CEP128: variants seen among roughly 807,000 people sequenced by gnomAD.
The protein encoded by CEP128 is centrosomal protein 128, also known as centrosomal protein 128kDa.
Under a neutral mutation model 156.7 loss-of-function variants are expected in CEP128, and 132 were observed. The observed-to-expected ratio is 0.84, with a 90% CI of 0.73 to 0.97. CEP128 has a LOEUF of 0.97. Among genes scored for constraint, CEP128 ranks in the 50% least tolerant of loss-of-function variants. CEP128 has a pLI of 0.00. For synonymous variants in CEP128, 469 were observed against 448.9 expected, an observed-to-expected ratio of 1.04 and a Z score of -0.57; for missense variants, 1,252 against 1,281.9, an observed-to-expected ratio of 0.98 and a Z score of 0.36.
chr14:80,601,665 C>T (rs1892587160), intron 19 of CEP128, among the ~76,000 whole-genome samples: 1 of 151,998 alleles, frequency 6.6e-6, no homozygotes, highest in African/African-American at 2.4e-5. Flanking sequence ...CAGCATGTTA[C>T]TATATTGAAT....
At chr14:80,958,317 G>A (rs1278844542) in intron 1 of CEP128, 1 of 152,144 alleles carries the variant, frequency 6.6e-6, no homozygotes, top group Admixed American at 6.5e-5. Flanking sequence ...GAAGTAATTT[G>A]CTCAATGTTG....
At chr14:80,682,579 A>G (rs1473317200) in intron 19 of CEP128, among the ~76,000 whole-genome samples, 1 of 152,232 alleles carries the variant, frequency 6.6e-6, no homozygotes, top group African/African-American at 2.4e-5. Flanking sequence ...ATTCACATAC[A>G]GAAAACCTAG....
At chr14:80,938,158 A>G (rs1166357343) in intron 2 of CEP128, among the ~76,000 whole-genome samples, 1 of 151,950 alleles carries the variant, frequency 6.6e-6, no homozygotes, top group African/African-American at 2.4e-5. Flanking sequence ...TTGGCCTCCC[A>G]AAGTGTGGGA....
intron 21 of CEP128, 142 bp downstream of exon 21, chr14:80,559,137 G>A (rs1408055368): frequency 2.7e-6 from 2 of 730,600 alleles, no homozygotes; most frequent in Non-Finnish European, 4.7e-6. Context: ...TTTAGATACA[G>A]TTTAGCTTGT....
At position 80,802,475 on chromosome 14, in the gene CEP128, G is replaced by A. The variant is rs147542217; in HGVS notation, c.1210-9365C>T. The stretch of plus-strand genomic sequence containing the variant: ...CACCGCATGCTCTCACTCGTAAGTG[G>A]GAGTTGAACATTGAGAACACATGGA... On this transcript the variant is annotated intron_variant, in intron 13 of 24. Coordinates refer to ENST00000555265, the MANE Select transcript of CEP128 (RefSeq NM_152446.5). Among the ~76,000 whole-genome samples the A allele has an allele frequency of 3.9e-3, 597 of 151,458 alleles. 3 individuals are homozygous for A. Among genetic ancestry groups the A allele is most frequent in the African/African-American group, 0.013 (550 of 41,234 alleles).
intron 19 of CEP128, among the ~76,000 whole-genome samples, chr14:80,711,174 TAGG>T (rs1418301010): frequency 6.6e-6 from 1 of 152,126 alleles, no homozygotes; most frequent in Non-Finnish European, 1.5e-5. Context: ...TGAATTCACT[TAGG>T]AGACCTTTCC....
chr14:80,514,705 C>T (rs1466409081), intron 23 of CEP128: 4 of 412,852 alleles, frequency 9.7e-6, no homozygotes, highest in Non-Finnish European at 2.0e-5. Flanking sequence ...TTTGTCACTC[C>T]AGTATCAGTC....
At chr14:80,603,264 G>A (rs1480743241) in intron 19 of CEP128, among the ~76,000 whole-genome samples, 1 of 152,116 alleles carries the variant, frequency 6.6e-6, no homozygotes, top group Non-Finnish European at 1.5e-5. Flanking sequence ...ATACTATATT[G>A]TATCATTTTA....
chr14:80,638,397 T>C (rs1894276700), intron 19 of CEP128, among the ~76,000 whole-genome samples: 1 of 152,172 alleles, frequency 6.6e-6, no homozygotes, highest in Non-Finnish European at 1.5e-5. Context: ...CTGTGTTTAA[T>C]TTTTCCTGGT....
At chr14:80,920,789 G>A (rs1048318957) in intron 2 of CEP128, among the ~76,000 whole-genome samples, 2 of 152,162 alleles carry the variant, frequency 1.3e-5, no homozygotes, top group African/African-American at 4.8e-5. Flanking sequence ...TATGGTTAGC[G>A]AGGTTGTAGG....
chr14:80,756,783 A>G (rs1487613616), intron 18 of CEP128, 109 bp downstream of exon 18: 16 of 704,088 alleles, frequency 2.3e-5, no homozygotes, highest in Non-Finnish European at 3.7e-5. Context: ...GCAATTAAGC[A>G]TTATAGCTTC....
At chr14:80,817,974 C>T (rs1884962058) in intron 13 of CEP128, among the ~76,000 whole-genome samples, 1 of 151,886 alleles carries the variant, frequency 6.6e-6, no homozygotes, top group South Asian at 2.1e-4. Context: ...AGATATGATG[C>T]AATCTGATGA....
chr14:80,732,036 T>C (rs973790740), intron 19 of CEP128, among the ~76,000 whole-genome samples: 1 of 151,976 alleles, frequency 6.6e-6, no homozygotes, highest in Admixed American at 6.6e-5. Flanking sequence ...AGGAGGGAAA[T>C]CTGTGCCATC....
intron 19 of CEP128, among the ~76,000 whole-genome samples, chr14:80,600,638 A>T (rs912976582): frequency 9.9e-5 from 15 of 152,224 alleles, no homozygotes; most frequent in Admixed American, 6.5e-4. Flanking sequence ...TAGTATCAGT[A>T]AAGGTAACTA....
chr14:80,707,760 A>G (rs1897274518), intron 19 of CEP128, among the ~76,000 whole-genome samples: 1 of 152,184 alleles, frequency 6.6e-6, no homozygotes, highest in Non-Finnish European at 1.5e-5. Flanking sequence ...ATTCCTCAAG[A>G]CAAACATAAT....
In CEP128 at chr14:80,785,192, C is replaced by G. The variant is rs751285978; in HGVS notation, c.1914G>C (p.Lys638Asn). Residue 638 changes from lysine (K) to asparagine (N), a missense_variant, in exon 15 of 25, where the codon AAG becomes AAC. Transcript: ENST00000555265. ...GATCTGCTCGGATGGCACTCAGGTC[C>G]TTGATGGACTCTTGCATCTCAAGAA... ...AKLLEMQESI[K>N]DLSAIRADLA... 2 of 1,614,184 alleles carry G rather than the reference C, an allele frequency of 1.2e-6. No homozygotes were observed. The highest frequency in any genetic ancestry group is 1.3e-5 in the African/African-American group (1 of 75,058).
chr14:80,883,696 C>T (rs113605280), intron 8 of CEP128, among the ~76,000 whole-genome samples: 4 of 152,034 alleles, frequency 2.6e-5, no homozygotes, highest in African/African-American at 9.6e-5. Context: ...AATGCAATAC[C>T]AATGACATTC....
chr14:80,594,798 G>A (rs1228914750), intron 19 of CEP128, among the ~76,000 whole-genome samples: 1 of 152,182 alleles, frequency 6.6e-6, no homozygotes, highest in Non-Finnish European at 1.5e-5. Context: ...AGTTAGAATG[G>A]CAATCATTAA....
chr14:80,784,542 C>T (rs1424910235), intron 15 of CEP128, among the ~76,000 whole-genome samples: 2 of 152,148 alleles, frequency 1.3e-5, no homozygotes, highest in Non-Finnish European at 2.9e-5. Context: ...GTGGTTATAG[C>T]TTCTCTGGCC....
Sources: gnomAD v4.1 joint callset for allele counts (sites outside exome capture counted in the v4.1 genomes callset) on GRCh38, gnomAD v4.1.1 for gene constraint, MANE v1.5 for transcripts, NCBI Gene and HGNC (gene_info 2026-07-23, HGNC 2026-07-21) for gene names.